Variants in AGBL1 observed in about 807,000 individuals in gnomAD.
The protein encoded by AGBL1 is AGBL carboxypeptidase 1.
A neutral mutation model predicts 118.9 loss-of-function variants in AGBL1; 130 were observed. The observed-to-expected ratio is 1.09, with a 90% confidence interval of 0.95 to 1.26. The LOEUF (loss-of-function observed/expected upper bound fraction) is 1.26, where lower values mean the gene tolerates loss of function less well. AGBL1 is among the 50% of genes most tolerant of loss of function. The pLI, the probability that AGBL1 is intolerant of heterozygous loss-of-function variation, is 0.00. For synonymous variants in AGBL1, 555 were observed against 478.9 expected, an observed-to-expected ratio of 1.16 and a Z score of -2.08; for missense variants, 1,584 against 1,298.1, an observed-to-expected ratio of 1.22 and a Z score of -3.38.
chr15:86,316,433 A>C (rs545165795), intron 17 of AGBL1, among the ~76,000 whole-genome samples: 1 of 152,202 alleles, frequency 6.6e-6, no homozygotes, highest in African/African-American at 2.4e-5. Context: ...CATCAAACGC[A>C]GGAGTGAACG....
chr15:86,673,770 G>T lies in AGBL1; in HGVS notation c.2995-503G>T, dbSNP rs180789449. ...ATATATGAGTACAGCTGAATAGGGG[G>T]TTCTAAATGAATACTGGTTTTTTAA... On this transcript the variant is annotated intron_variant, in intron 21 of 22. Coordinates refer to ENST00000614907, the MANE Select transcript of AGBL1 (RefSeq NM_001386094.1). Among the ~76,000 whole-genome samples, 37 of 152,164 alleles carry T rather than the reference G, an allele frequency of 2.4e-4. 1 individual carries two copies. The highest frequency in any genetic ancestry group is 1.4e-3 in the East Asian group (7 of 5,170).
At chr15:86,357,215 T>A (rs555673036) in intron 17 of AGBL1, among the ~76,000 whole-genome samples, 1 of 152,288 alleles carries the variant, frequency 6.6e-6, no homozygotes, top group East Asian at 1.9e-4. Context: ...TAAAGAGTAG[T>A]AGCAACAGGA....
chr15:86,415,543 A>T (rs1216002659), intron 18 of AGBL1, among the ~76,000 whole-genome samples: 1 of 152,166 alleles, frequency 6.6e-6, no homozygotes, highest in Non-Finnish European at 1.5e-5. Flanking sequence ...TTATACTTTA[A>T]CACCTATAAA....
chr15:86,560,662 G>A (rs1221384396), intron 21 of AGBL1, among the ~76,000 whole-genome samples: 2 of 152,152 alleles, frequency 1.3e-5, no homozygotes, highest in Non-Finnish European at 2.9e-5. Flanking sequence ...CCCAGTAATG[G>A]GATGGCTGAG....
chr15:86,982,205 A>T lies in AGBL1; in HGVS notation c.3222-5782A>T, dbSNP rs8033867. Among the ~76,000 whole-genome samples, 572 of 152,278 alleles carry T rather than the reference A, an allele frequency of 3.8e-3. 4 individuals are homozygous for T. Among genetic ancestry groups the T allele is most frequent in the African/African-American group, 0.013 (541 of 41,568 alleles). On this transcript the variant is annotated intron_variant, in intron 23 of 24. Coordinates refer to the AGBL1 transcript ENST00000441037. ...TTATATTTAATCATATAGTTATATC[A>T]TCCCAAATAATAGGCAGAATGGTTT...
At chr15:86,805,961 T>C (rs543086218) in intron 22 of AGBL1, among the ~76,000 whole-genome samples, 56 of 152,192 alleles carry the variant, frequency 3.7e-4, no homozygotes, top group African/African-American at 1.3e-3. Context: ...AAAATACTAA[T>C]GGGGTCTATG....
At chr15:86,654,516 A>G (rs557985695) in intron 21 of AGBL1, among the ~76,000 whole-genome samples, 1 of 152,292 alleles carries the variant, frequency 6.6e-6, no homozygotes, top group Non-Finnish European at 1.5e-5. Context: ...ATCCTTGAAA[A>G]TGAAGTTAAT....
At chr15:86,200,211 T>G (rs945821945) in intron 5 of AGBL1, among the ~76,000 whole-genome samples, 3 of 152,210 alleles carry the variant, frequency 2.0e-5, no homozygotes, top group African/African-American at 7.2e-5. Context: ...AAAGCCTCAT[T>G]TAGGCTTGGA....
intron 22 of AGBL1, among the ~76,000 whole-genome samples, chr15:86,770,757 T>C (rs1036110669): frequency 6.6e-6 from 1 of 151,932 alleles, no homozygotes; most frequent in African/African-American, 2.4e-5. Context: ...CTAGAGAACT[T>C]TGTGTTCCCC....
At chr15:86,982,833 T>G (rs2081245552) in intron 23 of AGBL1, among the ~76,000 whole-genome samples, 1 of 152,188 alleles carries the variant, frequency 6.6e-6, no homozygotes, top group African/African-American at 2.4e-5. Context: ...CTATGAGTAG[T>G]TAAGTTTCTG....
chr15:86,088,911 A>G (rs969959225), intron 1 of AGBL1, among the ~76,000 whole-genome samples: 2 of 152,092 alleles, frequency 1.3e-5, no homozygotes, highest in Admixed American at 6.5e-5. Context: ...TTCTTCTTCC[A>G]TCATGGTTGG....
intron 1 of AGBL1, among the ~76,000 whole-genome samples, chr15:86,109,519 A>G (rs1288921636): frequency 1.3e-5 from 2 of 152,210 alleles, no homozygotes; most frequent in African/African-American, 4.8e-5. Flanking sequence ...TATAGAGAAA[A>G]TAAGGATAAT....
intron 22 of AGBL1, among the ~76,000 whole-genome samples, chr15:86,833,928 C>T (rs78409171): frequency 3.9e-5 from 6 of 151,908 alleles, no homozygotes; most frequent in African/African-American, 1.5e-4. Flanking sequence ...AATTAAAGAC[C>T]CTCAGTTTCC....
intron 23 of AGBL1, among the ~76,000 whole-genome samples, chr15:86,922,259 G>A (rs1256939862): frequency 1.3e-5 from 2 of 152,126 alleles, no homozygotes; most frequent in East Asian, 1.9e-4. Flanking sequence ...GTTGCATATA[G>A]CAAAAGGCAT....
At chr15:86,727,697 C>A (rs1039463366) in intron 22 of AGBL1, among the ~76,000 whole-genome samples, 1 of 152,104 alleles carries the variant, frequency 6.6e-6, no homozygotes, top group East Asian at 1.9e-4. Flanking sequence ...TTTCCATAGG[C>A]AGAAGCTTAA....
intron 22 of AGBL1, among the ~76,000 whole-genome samples, chr15:86,744,617 G>T (rs969365453): frequency 2.0e-5 from 3 of 152,138 alleles, no homozygotes; most frequent in Non-Finnish European, 2.9e-5. Flanking sequence ...AAGGCAAGAA[G>T]GGAGACATTC....
chr15:86,469,397 G>A (rs576503929), intron 18 of AGBL1, among the ~76,000 whole-genome samples: 1 of 152,268 alleles, frequency 6.6e-6, no homozygotes, highest in Admixed American at 6.5e-5. Flanking sequence ...TTCATCCTGA[G>A]TTGGAGGATT....
intron 22 of AGBL1, among the ~76,000 whole-genome samples, chr15:86,733,357 C>T (rs1367309742): frequency 6.6e-6 from 1 of 152,088 alleles, no homozygotes; most frequent in East Asian, 1.9e-4. Context: ...TGTATGATGG[C>T]CAACCACTGT....
At chr15:86,503,287 C>A (rs2082937407) in intron 18 of AGBL1, among the ~76,000 whole-genome samples, 1 of 151,182 alleles carries the variant, frequency 6.6e-6, no homozygotes, top group Non-Finnish European at 1.5e-5. Context: ...TAGTAATGTT[C>A]CCTCTGTCAT....
Sources: allele counts gnomAD v4.1 joint callset (sites outside exome capture counted in the v4.1 genomes callset), GRCh38; gene constraint gnomAD v4.1.1; transcripts MANE v1.5; gene names NCBI Gene and HGNC (gene_info 2026-07-23, HGNC 2026-07-21).